EPB41L4B: variants seen among roughly 807,000 people sequenced by gnomAD.
EPB41L4B encodes band 4.1-like protein 4B.
EPB41L4B carries 30 observed loss-of-function variants against 112.5 expected under a neutral mutation model. The ratio of observed to expected loss-of-function variants is 0.27; its 90% CI spans 0.20 to 0.36. EPB41L4B has a LOEUF of 0.36. Among genes scored for constraint, EPB41L4B ranks in the 10% least tolerant of loss-of-function variants. The pLI, the probability that EPB41L4B is intolerant of heterozygous loss-of-function variation, is 1.00. For synonymous variants in EPB41L4B, 408 were observed against 439.7 expected, an observed-to-expected ratio of 0.93 and a Z score of 0.90; for missense variants, 1,024 against 1,133.3, an observed-to-expected ratio of 0.90 and a Z score of 1.38.
At chr9:109,226,634 A>ATATAT (rs1231256599) in intron 15 of EPB41L4B, among the ~76,000 whole-genome samples, 3 of 117,028 alleles carry the variant, frequency 2.6e-5, no homozygotes, top group Admixed American at 9.2e-5. Context: ...ATATATGAAG[A>ATATAT]ATATATATAT....
intron 1 of EPB41L4B, among the ~76,000 whole-genome samples, chr9:109,289,301 T>C (rs1422901857): frequency 6.6e-6 from 1 of 152,210 alleles, no homozygotes; most frequent in East Asian, 1.9e-4. Flanking sequence ...AGGCCCCGCC[T>C]CTCAGGCTTG....
intron 24 of EPB41L4B, among the ~76,000 whole-genome samples, chr9:109,177,813 T>A (rs1358839483): frequency 1.3e-5 from 2 of 150,292 alleles, no homozygotes; most frequent in Admixed American, 1.3e-4. Context: ...AGAGCGAGAC[T>A]CTGTCTCAAA....
At chr9:109,305,965 G>T (rs113006920) in intron 1 of EPB41L4B, among the ~76,000 whole-genome samples, 4 of 152,146 alleles carry the variant, frequency 2.6e-5, no homozygotes, top group African/African-American at 9.6e-5. Flanking sequence ...TAAGGCACAG[G>T]TACAGATACA....
chr9:109,176,423 T>C, intron 25 of EPB41L4B, 128 bp downstream of exon 25: 1 of 1,111,186 alleles, frequency 9.0e-7, no homozygotes, highest in Non-Finnish European at 1.2e-6. Context: ...GACATTTCAA[T>C]AAATACTTAC....
intron 2 of EPB41L4B, 34 bp downstream of exon 2, chr9:109,279,783 A>T: frequency 6.4e-7 from 1 of 1,568,062 alleles, no homozygotes; most frequent in South Asian, 1.1e-5. Flanking sequence ...TGAAAAGCCA[A>T]TCTGTTCTGA....
intron 2 of EPB41L4B, among the ~76,000 whole-genome samples, chr9:109,273,872 T>C (rs987007155): frequency 2.0e-5 from 3 of 152,222 alleles, no homozygotes; most frequent in Non-Finnish European, 1.5e-5. Context: ...CCCCTCCAGG[T>C]ATACCTAATA....
intron 13 of EPB41L4B, among the ~76,000 whole-genome samples, chr9:109,250,105 T>A (rs534540098): frequency 4.7e-4 from 72 of 152,200 alleles, no homozygotes; most frequent in Non-Finnish European, 9.1e-4. Flanking sequence ...TTGTCTGTTC[T>A]GTATTTTGGG....
intron 21 of EPB41L4B, among the ~76,000 whole-genome samples, chr9:109,193,976 CT>C (rs1832553398): frequency 6.6e-6 from 1 of 152,140 alleles, no homozygotes. Context: ...CCTCAAAAAT[CT>C]CTTACATTGC....
intron 1 of EPB41L4B, among the ~76,000 whole-genome samples, chr9:109,288,896 C>CA (rs148863066): frequency 0.13 from 19,877 of 149,444 alleles, 1,533 homozygotes; most frequent in African/African-American, 0.21. Flanking sequence ...AAGACCTTGT[C>CA]AAAAAAAAGG....
intron 2 of EPB41L4B, among the ~76,000 whole-genome samples, chr9:109,271,890 C>T (rs1451330390): frequency 6.6e-6 from 1 of 152,200 alleles, no homozygotes; most frequent in Non-Finnish European, 1.5e-5. Context: ...AAAATCCTTT[C>T]CATAAATCAA....
intron 15 of EPB41L4B, chr9:109,241,703 G>A: frequency 6.2e-7 from 1 of 1,614,118 alleles, no homozygotes; most frequent in South Asian, 1.1e-5. Flanking sequence ...ATCATACTTT[G>A]CATCCCTCCT....
intron 1 of EPB41L4B, among the ~76,000 whole-genome samples, 174 bp downstream of exon 1, chr9:109,319,967 C>T (rs1837791460): frequency 6.6e-6 from 1 of 152,102 alleles, no homozygotes; most frequent in African/African-American, 2.4e-5. Context: ...CCGGAAGAGA[C>T]CGGGACGGGG....
intron 17 of EPB41L4B, among the ~76,000 whole-genome samples, 172 bp downstream of exon 17, chr9:109,213,528 G>A (rs544916297): frequency 1.3e-5 from 2 of 152,334 alleles, no homozygotes; most frequent in South Asian, 4.1e-4. Flanking sequence ...CAAAAGGAAG[G>A]TAAGTAAATA....
chr9:109,255,979 A>G, intron 9 of EPB41L4B, 136 bp from the exon 10 acceptor site: 1 of 1,208,228 alleles, frequency 8.3e-7, no homozygotes, highest in Non-Finnish European at 1.2e-6. Flanking sequence ...GATTATCCAG[A>G]AGTTTCAGCG....
intron 15 of EPB41L4B, chr9:109,240,992 G>C (rs1012922654): frequency 1.0e-6 from 1 of 985,174 alleles, no homozygotes; most frequent in African/African-American, 1.7e-5. Context: ...GAAATTCAAA[G>C]TCCCCCTGTA....
At chr9:109,252,024 G>T (rs1212649524) in intron 12 of EPB41L4B, among the ~76,000 whole-genome samples, 2 of 152,184 alleles carry the variant, frequency 1.3e-5, no homozygotes, top group Non-Finnish European at 2.9e-5. Context: ...CAAAGAAGAT[G>T]CTAGAACTCT....
chr9:109,286,701 A>G (rs946856111), intron 1 of EPB41L4B, among the ~76,000 whole-genome samples: 1 of 152,222 alleles, frequency 6.6e-6, no homozygotes, highest in Non-Finnish European at 1.5e-5. Context: ...GGGAAGCCCT[A>G]TAGGAACTAA....
intron 22 of EPB41L4B, among the ~76,000 whole-genome samples, chr9:109,189,850 A>G (rs992943826): frequency 2.0e-5 from 3 of 152,084 alleles, no homozygotes; most frequent in African/African-American, 7.2e-5. Flanking sequence ...GCTGGTCTTG[A>G]ACTCCTGACC....
intron 15 of EPB41L4B, among the ~76,000 whole-genome samples, chr9:109,234,625 G>A (rs1004410020): frequency 6.6e-6 from 1 of 152,194 alleles, no homozygotes; most frequent in Admixed American, 6.5e-5. Context: ...AGTATTTGGG[G>A]AGGCCAAGGC....
Sources: gnomAD v4.1 joint callset for allele counts (sites outside exome capture counted in the v4.1 genomes callset) on GRCh38, gnomAD v4.1.1 for gene constraint, MANE v1.5 for transcripts, NCBI Gene and HGNC (gene_info 2026-07-23, HGNC 2026-07-21) for gene names.